The following PCDH7 variants were observed in gnomAD, a reference collection of about 807,000 sequenced individuals.
PCDH7 encodes protocadherin 7.
In PCDH7, 17 loss-of-function variants were observed where a neutral mutation model predicts 58.9. That is an observed-to-expected ratio of 0.29 (90% CI 0.20 to 0.43). The LOEUF (loss-of-function observed/expected upper bound fraction) is 0.43. Ranked by LOEUF, PCDH7 falls within the 20% of genes least tolerant of loss-of-function variation. The probability of loss-of-function intolerance (pLI) is 1.00; values close to 1 mark genes in which losing one functional copy is unlikely to be tolerated. For missense variants in PCDH7, 1,274 were observed against 1,441.0 expected, an observed-to-expected ratio of 0.88 and a Z score of 1.88; for synonymous variants, 664 against 616.4, an observed-to-expected ratio of 1.08 and a Z score of -1.14.
intron 1 of PCDH7, among the ~76,000 whole-genome samples, chr4:30,893,888 G>A (rs147369811): frequency 6.5e-4 from 99 of 152,170 alleles, no homozygotes; most frequent in Admixed American, 1.4e-3. Flanking sequence ...TAAATGTCTA[G>A]GGAGCAGTGA....
intron 3 of PCDH7, among the ~76,000 whole-genome samples, chr4:30,977,991 G>T (rs1297299878): frequency 6.6e-5 from 10 of 151,974 alleles, no homozygotes; most frequent in African/African-American, 1.9e-4. Context: ...TTTTCAGCTG[G>T]TTTTTTTCTT....
rs116536758 is a variant in PCDH7, at chr4:30,909,960, A to T, written c.71-10193A>T. 5.8e-3 allele frequency among the ~76,000 whole-genome samples: 887 copies of T among 152,316 alleles called. 9 individuals carry two copies. The highest frequency in any genetic ancestry group is 0.02 in the African/African-American group (830 of 41,570). ...GCTACAGTAACCAAAACCTAGTGGT[A>T]CTAGTACCAAAACAAATATGTAGAC... On this transcript the variant is annotated intron_variant, in intron 1 of 3. Transcript: ENST00000509759.
chr4:30,840,039 TGTG>T (rs1459893658), intron 1 of PCDH7, among the ~76,000 whole-genome samples: 1 of 151,820 alleles, frequency 6.6e-6, no homozygotes, highest in African/African-American at 2.4e-5. Flanking sequence ...AGTGTGTGTG[TGTG>T]TGTGTGTGTG....
rs948995221 is a variant in PCDH7, at chr4:31,102,799, G to A, written c.*8-39674G>A. Among the ~76,000 whole-genome samples, 4 of 151,904 alleles carry A rather than the reference G, an allele frequency of 2.6e-5. No individual in the cohort carries two copies. The East Asian group carries it at 7.7e-4, about 29-fold the overall frequency. On this transcript the variant is annotated intron_variant, in intron 3 of 3. Transcript: ENST00000509759. ...TTTGTACATGTAACTTTTATTTCCTGTGCCTTCTTTGGACTTTCTATGAGA... is the reference window on the plus strand; with the variant it reads ...TTTGTACATGTAACTTTTATTTCCTATGCCTTCTTTGGACTTTCTATGAGA...
intron 3 of PCDH7, among the ~76,000 whole-genome samples, chr4:31,084,017 C>T (rs1034353938): frequency 6.6e-6 from 1 of 151,986 alleles, no homozygotes; most frequent in Non-Finnish European, 1.5e-5. Context: ...ATACTTTTGC[C>T]ATTTAGCCTA....
At chr4:30,939,691 AC>A (rs1343233800) in intron 2 of PCDH7, among the ~76,000 whole-genome samples, 1 of 152,256 alleles carries the variant, frequency 6.6e-6, no homozygotes, top group Admixed American at 6.6e-5. Flanking sequence ...GGAATTTAAT[AC>A]GCACATTGGA....
At chr4:31,006,661 G>A (rs1471238419) in intron 3 of PCDH7, among the ~76,000 whole-genome samples, 2 of 152,100 alleles carry the variant, frequency 1.3e-5, no homozygotes, top group Admixed American at 6.5e-5. Context: ...TGGATGCTGA[G>A]GTGGGCGGAT....
chr4:30,907,319 A>T (rs1326828325), intron 1 of PCDH7, among the ~76,000 whole-genome samples: 1 of 152,214 alleles, frequency 6.6e-6, no homozygotes, highest in Non-Finnish European at 1.5e-5. Context: ...GTGAACAGGC[A>T]ACCTACAGAA....
At chr4:31,123,803 C>T (rs1416719093) in intron 3 of PCDH7, among the ~76,000 whole-genome samples, 1 of 152,042 alleles carries the variant, frequency 6.6e-6, no homozygotes, top group Non-Finnish European at 1.5e-5. Context: ...GGAAGTGGCT[C>T]TCAGTGTGAT....
rs146252375 is a variant in PCDH7, at chr4:30,770,000, A to G, written c.70+45404A>G. Among the ~76,000 whole-genome samples the G allele has an allele frequency of 3.7e-3, 566 of 152,322 alleles. 3 individuals are homozygous for G. The highest frequency in any genetic ancestry group is 0.011 in the African/African-American group (476 of 41,574). ...ATTATGCAGCTAAAATTTAGCCTGA[A>G]GTGGCCAATCCCGCAGGCTTTGTAC... On this transcript the variant is annotated intron_variant, in intron 1 of 3. Transcript: ENST00000509759.
intron 3 of PCDH7, among the ~76,000 whole-genome samples, chr4:31,113,452 C>T (rs974043062): frequency 3.9e-5 from 6 of 152,062 alleles, no homozygotes; most frequent in African/African-American, 1.4e-4. Flanking sequence ...ATAAAAGATC[C>T]TCATGTAGGA....
At chr4:30,903,420 G>A (rs1205546619) in intron 1 of PCDH7, among the ~76,000 whole-genome samples, 2 of 151,562 alleles carry the variant, frequency 1.3e-5, no homozygotes, top group Non-Finnish European at 1.5e-5. Context: ...TCTTACAAGT[G>A]TGGAAAAAAA....
intron 3 of PCDH7, among the ~76,000 whole-genome samples, chr4:31,127,476 T>C (rs770247480): frequency 5.3e-5 from 8 of 152,152 alleles, no homozygotes; most frequent in Non-Finnish European, 1.0e-4. Flanking sequence ...CTTTAAGAAG[T>C]CACATTAAAT....
intron 3 of PCDH7, among the ~76,000 whole-genome samples, chr4:31,023,900 G>A (rs1454366802): frequency 3.9e-5 from 6 of 152,192 alleles, no homozygotes; most frequent in African/African-American, 1.4e-4. Flanking sequence ...AAAAGAGAAA[G>A]CGTTCCAAAC....
chr4:30,745,248 G>GT (rs60062972), intron 1 of PCDH7, among the ~76,000 whole-genome samples: 218 of 146,774 alleles, frequency 1.5e-3, no homozygotes, highest in South Asian at 0.014. Flanking sequence ...TTTACATCTT[G>GT]TTTTTTTTTT....
intron 1 of PCDH7, among the ~76,000 whole-genome samples, chr4:30,792,069 G>C (rs1381824528): frequency 2.0e-5 from 3 of 152,100 alleles, no homozygotes; most frequent in Non-Finnish European, 4.4e-5. Flanking sequence ...TGTTTATTAA[G>C]TGATAAGATT....
At chr4:30,901,388 T>C (rs1207972207) in intron 1 of PCDH7, among the ~76,000 whole-genome samples, 1 of 152,172 alleles carries the variant, frequency 6.6e-6, no homozygotes, top group Non-Finnish European at 1.5e-5. Flanking sequence ...CCAAGGCAGA[T>C]TAAAATTAGG....
chr4:30,904,985 C>G (rs1740733768), intron 1 of PCDH7, among the ~76,000 whole-genome samples: 1 of 152,018 alleles, frequency 6.6e-6, no homozygotes, highest in Admixed American at 6.6e-5. Context: ...AATATGAAAA[C>G]CCAAGGATTT....
At chr4:31,056,466 A>AAGGAAAG (rs1757208723) in intron 3 of PCDH7, among the ~76,000 whole-genome samples, 2 of 127,914 alleles carry the variant, frequency 1.6e-5, no homozygotes, top group Non-Finnish European at 3.3e-5. Flanking sequence ...AAGAAGAAAG[A>AAGGAAAG]AAGAAAGAAA....
Sources: allele counts gnomAD v4.1 joint callset (sites outside exome capture counted in the v4.1 genomes callset), GRCh38; gene constraint gnomAD v4.1.1; transcripts MANE v1.5; gene names NCBI Gene and HGNC (gene_info 2026-07-23, HGNC 2026-07-21).